The following ZBTB20 variants were observed in gnomAD, a reference collection of about 807,000 sequenced individuals.
ZBTB20 encodes the protein zinc finger and BTB domain containing 20, also known as zinc finger and BTB domain-containing protein 20.
Under a neutral mutation model 56.9 loss-of-function variants are expected in ZBTB20, and 9 were observed. That is an observed-to-expected ratio of 0.16 (90% CI 0.10 to 0.28). ZBTB20 has a LOEUF of 0.28. ZBTB20 is among the 10% of genes least tolerant of loss of function. The probability of loss-of-function intolerance (pLI) is 1.00; values close to 1 mark genes in which losing one functional copy is unlikely to be tolerated. For synonymous variants in ZBTB20, 417 were observed against 420.7 expected (o/e 0.99, Z 0.11); for missense variants, 655 against 1,003.0 (o/e 0.65, Z 4.69).
At chr3:114,924,112 A>G (rs2076061967) in intron 3 of ZBTB20, among the ~76,000 whole-genome samples, 1 of 152,202 alleles carries the variant, frequency 6.6e-6, no homozygotes, top group South Asian at 2.1e-4. Flanking sequence ...GTGGGAATGT[A>G]AATTGGTATA....
At chr3:115,119,592 A>G (rs1441783591) in intron 1 of ZBTB20, among the ~76,000 whole-genome samples, 1 of 152,214 alleles carries the variant, frequency 6.6e-6, no homozygotes, top group East Asian at 1.9e-4. Flanking sequence ...CTAATCCTAC[A>G]GTACAAACAC....
chr3:114,687,235 A>G (rs550090224), intron 6 of ZBTB20: 1 of 150,568 alleles, frequency 6.6e-6, no homozygotes, highest in South Asian at 2.1e-4. Flanking sequence ...CTGGAGACCA[A>G]GTTTTTGTTA....
At chr3:114,433,986 C>T (rs926527373) in intron 7 of ZBTB20, among the ~76,000 whole-genome samples, 18 of 152,282 alleles carry the variant, frequency 1.2e-4, no homozygotes, top group African/African-American at 4.3e-4. Context: ...CACACTGGGT[C>T]ACCCCATAAT....
At chr3:114,845,385 A>T (rs192450009) in intron 4 of ZBTB20, among the ~76,000 whole-genome samples, 1 of 149,360 alleles carries the variant, frequency 6.7e-6, no homozygotes, top group East Asian at 2.0e-4. Flanking sequence ...ACCCAAATTT[A>T]TTAAATCTTG....
intron 1 of ZBTB20, among the ~76,000 whole-genome samples, chr3:115,075,164 C>T (rs2082551161): frequency 6.6e-6 from 1 of 152,002 alleles, no homozygotes; most frequent in African/African-American, 2.4e-5. Context: ...CTTAATAGTA[C>T]AATATTTTTA....
chr3:114,385,496 C>T (rs2084995963), intron 8 of ZBTB20, among the ~76,000 whole-genome samples: 1 of 152,190 alleles, frequency 6.6e-6, no homozygotes, highest in South Asian at 2.1e-4. Flanking sequence ...CTTGTGCTGG[C>T]ACATGGTAAG....
chr3:114,579,208 G>A lies in ZBTB20; in HGVS notation c.-294-78817C>T, dbSNP rs534057774. ...TGTACCAGATAAAATCACAAAATAA[G>A]CTAAAAAAAGTTTTTCAATTAAAAC... On this transcript the variant is annotated intron_variant, in intron 6 of 11. Transcript: ENST00000675478. Among the ~76,000 whole-genome samples the A allele has an allele frequency of 7.1e-4, 108 of 151,532 alleles. 1 individual carries two copies. In the South Asian group the frequency reaches 9.0e-3, roughly 13 times the overall value.
rs1003805556 is a variant in ZBTB20, at chr3:114,334,762, C to T, written c.*4243G>A. Reference sequence around the variant, plus strand: ...TTATCCAGCACACTTAATCATGGCACAAATAGATTCAAAGCATTAGGAATT... The same window carrying T: ...TTATCCAGCACACTTAATCATGGCATAAATAGATTCAAAGCATTAGGAATT... On this transcript the variant is annotated 3_prime_UTR_variant, in exon 12 of 12. Transcript: ENST00000675478. 3 of 152,090 alleles carry T rather than the reference C, an allele frequency of 2.0e-5. No individual in the cohort carries two copies. Among genetic ancestry groups the T allele is most frequent in the African/African-American group, 7.2e-5 (3 of 41,404 alleles). The allele number at this position is 152,090 out of a possible 1,614,324, so 9.4% of individuals were successfully genotyped here.
rs550261256 is a variant in ZBTB20 at position 114,777,135 on chromosome 3, C to T, written c.-343+23966G>A. Among the ~76,000 whole-genome samples, 3 of 152,178 alleles carry T rather than the reference C, an allele frequency of 2.0e-5. No homozygotes were observed. The East Asian group carries it at 5.8e-4, about 29-fold the overall frequency. ...TCTATCTGCACTTGAGGTAACTTTC[C>T]TTTAGCTATTCAAAGAAAAATCTAT... On this transcript the variant is annotated intron_variant, in intron 5 of 11. Coordinates refer to ENST00000675478, the MANE Select transcript of ZBTB20 (RefSeq NM_001348800.3).
chr3:114,815,744 C>G (rs1643277878), intron 4 of ZBTB20, among the ~76,000 whole-genome samples: 2 of 151,998 alleles, frequency 1.3e-5, no homozygotes, highest in African/African-American at 4.8e-5. Context: ...CACGCACACG[C>G]ACACACGACC....
intron 7 of ZBTB20, among the ~76,000 whole-genome samples, chr3:114,433,811 T>C (rs1167153218): frequency 1.3e-5 from 2 of 152,170 alleles, no homozygotes; most frequent in Admixed American, 6.5e-5. Flanking sequence ...CAAGTCCTCC[T>C]GGCTATAGAA....
At chr3:114,685,257 A>C (rs1560125258) in intron 6 of ZBTB20, among the ~76,000 whole-genome samples, 2 of 152,132 alleles carry the variant, frequency 1.3e-5, no homozygotes, top group Non-Finnish European at 2.9e-5. Flanking sequence ...AAGCCTGGGG[A>C]CTGAGAATGT....
intron 2 of ZBTB20, among the ~76,000 whole-genome samples, chr3:115,036,818 T>C (rs2080944169): frequency 1.3e-5 from 2 of 152,166 alleles, no homozygotes; most frequent in African/African-American, 4.8e-5. Flanking sequence ...ACCTTTTTTC[T>C]AATTTGGCCC....
At chr3:114,543,754 A>T (rs1358777592) in intron 6 of ZBTB20, among the ~76,000 whole-genome samples, 1 of 152,234 alleles carries the variant, frequency 6.6e-6, no homozygotes, top group Non-Finnish European at 1.5e-5. Flanking sequence ...AACAGTTAAG[A>T]TTTTAATGGT....
chr3:114,933,192 G>T (rs1040526311), intron 3 of ZBTB20, among the ~76,000 whole-genome samples: 1 of 152,154 alleles, frequency 6.6e-6, no homozygotes, highest in Non-Finnish European at 1.5e-5. Flanking sequence ...GCACCCCAAA[G>T]ATTTGTAAAA....
intron 5 of ZBTB20, among the ~76,000 whole-genome samples, chr3:114,711,590 TC>T (rs1325349324): frequency 2.6e-5 from 4 of 152,154 alleles, no homozygotes; most frequent in African/African-American, 9.7e-5. Context: ...AAAAATAGTA[TC>T]TCTGAGTTTA....
rs144954520 is a variant in ZBTB20 at position 115,015,530 on chromosome 3, T to C, written c.-506-41114A>G. On this transcript the variant is annotated intron_variant, in intron 2 of 11. Coordinates refer to ENST00000675478, the MANE Select transcript of ZBTB20 (RefSeq NM_001348800.3). ...CCCCTCCCCATGTGTCCATGTGTTC[T>C]CATTGTTCAGCTCCCACTTATAAGT... 2.6e-3 allele frequency among the ~76,000 whole-genome samples: 391 copies of C among 151,974 alleles called. 2 individuals carry two copies. Among genetic ancestry groups the C allele is most frequent in the African/African-American group, 9.2e-3 (383 of 41,490 alleles).
chr3:115,120,339 T>TA (rs887662852), intron 1 of ZBTB20, among the ~76,000 whole-genome samples: 88 of 151,426 alleles, frequency 5.8e-4, no homozygotes, highest in African/African-American at 1.9e-3. Context: ...ACAATTGCTC[T>TA]AAAAAAAAAT....
chr3:114,730,399 T>C (rs1263103212), intron 5 of ZBTB20, among the ~76,000 whole-genome samples: 1 of 152,144 alleles, frequency 6.6e-6, no homozygotes, highest in Non-Finnish European at 1.5e-5. Flanking sequence ...CTTAGGAAAC[T>C]AGGATTTGTG....
Sources: allele counts gnomAD v4.1 joint callset (sites outside exome capture counted in the v4.1 genomes callset), GRCh38; gene constraint gnomAD v4.1.1; transcripts MANE v1.5; gene names NCBI Gene and HGNC (gene_info 2026-07-23, HGNC 2026-07-21).